Variants in TMBIM6 observed in about 807,000 individuals in gnomAD.
TMBIM6 encodes transmembrane BAX inhibitor motif containing 6.
Under a neutral mutation model 31.4 loss-of-function variants are expected in TMBIM6, and 13 were observed. The ratio of observed to expected loss-of-function variants is 0.41; its 90% CI spans 0.27 to 0.66. The LOEUF is 0.66. TMBIM6 is among the 30% of genes least tolerant of loss of function. The pLI is 0.28. For missense variants in TMBIM6, 275 were observed against 289.5 expected, an observed-to-expected ratio of 0.95 and a Z score of 0.36; for synonymous variants, 85 against 101.7, an observed-to-expected ratio of 0.84 and a Z score of 0.99.
chr12:49,755,509 C>T, intron 3 of TMBIM6, 126 bp from the exon 4 acceptor site: 1 of 1,230,588 alleles, frequency 8.1e-7, no homozygotes, highest in Non-Finnish European at 1.1e-6. Flanking sequence ...TACTTTTTCT[C>T]CTGCCTCCAG....
intron 1 of TMBIM6, chr12:49,750,582 T>G (rs1945476663): frequency 6.6e-6 from 1 of 152,216 alleles, no homozygotes; most frequent in Non-Finnish European, 1.5e-5. Context: ...CCTGCAATAA[T>G]TGCACCATCT....
intron 8 of TMBIM6, among the ~76,000 whole-genome samples, chr12:49,759,634 A>G (rs370472988): frequency 1.3e-3 from 199 of 152,082 alleles, no homozygotes; most frequent in South Asian, 0.011. Flanking sequence ...GCGAAATCCC[A>G]TCTCTACTAA....
chr12:49,759,015 G>A, intron 7 of TMBIM6: 1 of 627,764 alleles, frequency 1.6e-6, no homozygotes, highest in Non-Finnish European at 2.8e-6. Context: ...TTGTTAAAAT[G>A]ATTGAAACTC....
intron 8 of TMBIM6, among the ~76,000 whole-genome samples, chr12:49,760,298 A>G (rs1945691284): frequency 1.3e-5 from 2 of 152,114 alleles, no homozygotes; most frequent in South Asian, 4.2e-4. Context: ...TTGCCTAGGC[A>G]GTAGTGTGGT....
intron 4 of TMBIM6, among the ~76,000 whole-genome samples, chr12:49,757,147 G>A (rs890793011): frequency 2.0e-5 from 3 of 152,106 alleles, no homozygotes; most frequent in Non-Finnish European, 4.4e-5. Context: ...GATTACAGAC[G>A]TGAGCCACTG....
intron 1 of TMBIM6, chr12:49,744,574 T>C (rs1218843577): frequency 6.6e-6 from 1 of 152,218 alleles, no homozygotes; most frequent in East Asian, 1.9e-4. Flanking sequence ...CTGGGGAATG[T>C]TGATTTGAGG....
At chr12:49,755,907 C>T (rs1422181886) in intron 4 of TMBIM6, 152 bp downstream of exon 4, 6 of 882,198 alleles carry the variant, frequency 6.8e-6, no homozygotes, top group Admixed American at 2.7e-5. Flanking sequence ...GATCTTGGCT[C>T]ACTGCAAGCT....
At chr12:49,742,101 G>C (rs1430958506) in intron 1 of TMBIM6, 1 of 1,599,754 alleles carries the variant, frequency 6.3e-7, no homozygotes, top group Non-Finnish European at 8.5e-7. Context: ...GAGCGGCCCG[G>C]AGCCAAGACT....
At position 49,761,797 on chromosome 12, in the gene TMBIM6, C is replaced by T; in HGVS notation, c.690+18C>T. 6.2e-7 allele frequency: 1 copy of T among 1,612,742 alleles called. No individual in the cohort carries two copies. ...ATGAAAAGGTTAGTTAGCCTACAAC[C>T]CAAAGATGAGACAATAATGGCTCCT... On this transcript the variant is annotated intron_variant, in intron 9 of 9. Coordinates refer to ENST00000267115, the MANE Select transcript of TMBIM6 (RefSeq NM_003217.3).
chr12:49,741,670 G>A (rs532012749), intron 1 of TMBIM6, 59 bp downstream of exon 1: 3 of 189,716 alleles, frequency 1.6e-5, no homozygotes, highest in African/African-American at 7.2e-5. Context: ...GGAGTTAGCA[G>A]TTACTGTCTG....
chr12:49,741,974 C>T lies in TMBIM6; in HGVS notation c.-31+363C>T, dbSNP rs1478239305. On this transcript the variant is annotated intron_variant, in intron 1 of 9. Transcript: ENST00000267115. ...AAGTGTAGACGCAGGGCCCCTTGGCCTAGCTTCGATCGTTCGAATTCAGAG... is the reference window on the plus strand; with the variant it reads ...AAGTGTAGACGCAGGGCCCCTTGGCTTAGCTTCGATCGTTCGAATTCAGAG... 9.1e-6 allele frequency: 10 copies of T among 1,096,958 alleles called. No individual in the cohort carries two copies. The East Asian group carries it at 2.1e-4, about 23-fold the overall frequency. The allele number at this position is 1,096,958 out of a possible 1,614,324, so 68.0% of individuals were successfully genotyped here. A position where few individuals can be genotyped will look rare whatever the true frequency, so the allele number is the denominator to read the frequency against.
chr12:49,762,782 C>T, intron 9 of TMBIM6, 91 bp from the exon 10 acceptor site: 1 of 1,217,380 alleles, frequency 8.2e-7, no homozygotes, highest in African/African-American at 1.5e-5. Context: ...GTCTGGCTCA[C>T]TTCTAGTCCC....
At chr12:49,746,751 G>A (rs1945401365) in intron 1 of TMBIM6, among the ~76,000 whole-genome samples, 1 of 152,000 alleles carries the variant, frequency 6.6e-6, no homozygotes, top group African/African-American at 2.4e-5. Flanking sequence ...TGAATGGAAA[G>A]CTTTCTTGGC....
intron 1 of TMBIM6, chr12:49,741,902 C>T (rs1945301489): frequency 3.2e-6 from 2 of 621,978 alleles, no homozygotes; most frequent in South Asian, 2.0e-5. Context: ...TGGCGAAGGC[C>T]CCTTCTCAGC....
In TMBIM6 at chr12:49,761,998, A is replaced by T. The variant is rs1945729118; in HGVS notation, c.690+219A>T. 18 of 502,112 alleles carry T rather than the reference A, an allele frequency of 3.6e-5. 1 individual carries two copies. In the South Asian group the frequency reaches 5.5e-4, roughly 15 times the overall value. 31.1% of individuals were successfully genotyped at this position (502,112 alleles called of 1,614,324 possible). On this transcript the variant is annotated intron_variant, in intron 9 of 9. Transcript: ENST00000267115. Reference sequence around the variant, plus strand: ...TTAACTAATTCCTGCGTTTAGTATGAAAGGGAAAAAAGCTTCAGTGGCAGT... The same window carrying T: ...TTAACTAATTCCTGCGTTTAGTATGTAAGGGAAAAAAGCTTCAGTGGCAGT...
chr12:49,762,800 A>G, intron 9 of TMBIM6, 73 bp from the exon 10 acceptor site: 1 of 1,419,920 alleles, frequency 7.0e-7, no homozygotes, highest in African/African-American at 1.4e-5. Flanking sequence ...CCCTAACTAA[A>G]TGCTCACTCA....
At chr12:49,761,499 C>T (rs114567942) in intron 8 of TMBIM6, among the ~76,000 whole-genome samples, 1,645 of 152,290 alleles carry the variant, frequency 0.011, 29 homozygotes, top group African/African-American at 0.037. Context: ...GCCACTGTGC[C>T]TGGCCCAGTC....
At chr12:49,746,414 GAGTACACCAGTAATAACAATGTT>G (rs1214131402) in intron 1 of TMBIM6, among the ~76,000 whole-genome samples, 3 of 152,256 alleles carry the variant, frequency 2.0e-5, no homozygotes, top group South Asian at 4.1e-4. Context: ...TTGTAGTAAT[GAGTACACCAGTAATAACAATGTT>G]AGTACACCAG....
chr12:49,750,975 C>T (rs1945483653), intron 1 of TMBIM6, among the ~76,000 whole-genome samples: 1 of 152,184 alleles, frequency 6.6e-6, no homozygotes, highest in African/African-American at 2.4e-5. Flanking sequence ...ATCCCTTCCT[C>T]CCTGCCCCTC....
Sources: gnomAD v4.1 joint callset for allele counts (sites outside exome capture counted in the v4.1 genomes callset) on GRCh38, gnomAD v4.1.1 for gene constraint, MANE v1.5 for transcripts, NCBI Gene and HGNC (gene_info 2026-07-23, HGNC 2026-07-21) for gene names.